The following FBLN2 variants were observed in gnomAD, a reference collection of about 807,000 sequenced individuals.
FBLN2 encodes the protein fibulin 2, also known as fibulin-2.
Under a neutral mutation model 123.7 loss-of-function variants are expected in FBLN2, and 81 were observed. The observed-to-expected ratio is 0.65, with a 90% CI of 0.55 to 0.79. FBLN2 has a LOEUF of 0.79. FBLN2 is among the 30% of genes least tolerant of loss of function. FBLN2 has a pLI of 0.00. For synonymous variants in FBLN2, 699 were observed against 701.4 expected (o/e 1.00, Z 0.05); for missense variants, 1,603 against 1,681.3 (o/e 0.95, Z 0.81).
intron 2 of FBLN2, among the ~76,000 whole-genome samples, chr3:13,586,033 T>G (rs1162129898): frequency 4.6e-5 from 7 of 152,178 alleles, no homozygotes. Flanking sequence ...GAGAAGGCAT[T>G]GCTATCATAG....
rs1451317634 is a variant in FBLN2 at position 13,638,212 on chromosome 3, G to A, written c.*293G>A. 4.9e-5 allele frequency: 30 copies of A among 606,270 alleles called. No homozygotes were observed. Among genetic ancestry groups the A allele is most frequent in the Middle Eastern group, 5.0e-4 (2 of 3,974 alleles). 37.6% of individuals were successfully genotyped at this position (606,270 alleles called of 1,614,324 possible). ...CTGAGGACCAGAGACACGCGACCAT[G>A]TTGGGGCTCTTGGACTCCTCTGGAT... is the stretch of plus-strand genomic sequence containing the variant. On this transcript the variant is annotated 3_prime_UTR_variant, in exon 18 of 18. Transcript: ENST00000404922.
chr3:13,592,031 T>TA (rs1704693426), intron 2 of FBLN2, among the ~76,000 whole-genome samples: 1 of 150,534 alleles, frequency 6.6e-6, no homozygotes, highest in African/African-American at 2.4e-5. Flanking sequence ...TTTTTTTTTT[T>TA]TTTTTTATTT....
At position 13,614,100 on chromosome 3, in the gene FBLN2, T is replaced by C. The variant is rs1273623443; in HGVS notation, c.1665T>C (p.Gly555=). ...CNHVMLSCCE[G]EEPLIVPEVR... ...ATGTCATGCTCTCCTGCTGTGAGGG[T>C]GAAGAGCCTCTCATAGTACCTGAGG... The change falls in exon 5 of 18, where the codon GGT becomes GGC. Residue 555 remains glycine (G), a synonymous_variant. Transcript: ENST00000404922. 1 of 1,613,594 alleles carries C rather than the reference T, an allele frequency of 6.2e-7. No individual in the cohort carries two copies. Among genetic ancestry groups the C allele is most frequent in the South Asian group, 1.1e-5 (1 of 91,066 alleles).
intron 5 of FBLN2, among the ~76,000 whole-genome samples, chr3:13,617,488 G>T (rs570432499): frequency 6.8e-5 from 9 of 131,710 alleles, no homozygotes; most frequent in Non-Finnish European, 1.1e-4. Flanking sequence ...TCATTCATCC[G>T]TCTACCCATG....
intron 2 of FBLN2, among the ~76,000 whole-genome samples, chr3:13,598,802 G>A (rs1013301889): frequency 6.6e-6 from 1 of 152,162 alleles, no homozygotes; most frequent in Non-Finnish European, 1.5e-5. Context: ...CCTGCCACCC[G>A]ACAGGGACAT....
At chr3:13,634,864 A>G (rs191276277) in intron 16 of FBLN2, among the ~76,000 whole-genome samples, 106 of 152,310 alleles carry the variant, frequency 7.0e-4, no homozygotes, top group African/African-American at 2.5e-3. Context: ...GGACACCTGC[A>G]CCTGCCCCGT....
At position 13,562,513 on chromosome 3, in the gene FBLN2, C is replaced by T. The variant is rs55866657; in HGVS notation, c.-41-7802C>T. ...CTGGGATTATAGGTATATGCCACCA[C>T]ACCTGGCAAATTTTTGTATTTTTAA... is the stretch of plus-strand genomic sequence containing the variant. On this transcript the variant is annotated intron_variant, in intron 1 of 17. Transcript: ENST00000404922. Among the ~76,000 whole-genome samples the T allele has an allele frequency of 1.4e-3, 207 of 152,248 alleles. 1 individual carries two copies. The highest frequency in any genetic ancestry group is 4.7e-3 in the African/African-American group (195 of 41,530).
At chr3:13,567,318 T>G (rs916612986) in intron 1 of FBLN2, among the ~76,000 whole-genome samples, 14 of 152,202 alleles carry the variant, frequency 9.2e-5, no homozygotes, top group Non-Finnish European at 1.9e-4. Flanking sequence ...GTGATGCACC[T>G]GAAGGCAGGA....
chr3:13,568,741 A>C (rs767271776), intron 1 of FBLN2: 194 of 979,660 alleles, frequency 2.0e-4, no homozygotes, highest in Non-Finnish European at 2.2e-4. Flanking sequence ...CGTCTCCTTG[A>C]TTCCCTTCAT....
rs951192925 is a variant in FBLN2 at position 13,571,788 on chromosome 3, C to T, written c.1306+127C>T. The T allele has an allele frequency of 1.0e-4, 110 of 1,088,212 alleles. No individual in the cohort carries two copies. The East Asian group carries it at 2.8e-3, about 28-fold the overall frequency. 67.4% of individuals were successfully genotyped at this position (1,088,212 alleles called of 1,614,324 possible). A position where few individuals can be genotyped will look rare whatever the true frequency, so the allele number is the denominator to read the frequency against. ...ACTGTGGGGCCAGGCCTAGGGTGGC[C>T]ACCCCAGGCCCTTGGTTTGGGCAGG... is the stretch of plus-strand genomic sequence containing the variant. On this transcript the variant is annotated intron_variant, in intron 2 of 17. Transcript: ENST00000404922.
intron 2 of FBLN2, among the ~76,000 whole-genome samples, chr3:13,604,563 T>C (rs548116539): frequency 4.8e-4 from 73 of 152,376 alleles, no homozygotes; most frequent in African/African-American, 1.7e-3. Flanking sequence ...GTATTATTTC[T>C]GAGCCGGCCT....
intron 16 of FBLN2, among the ~76,000 whole-genome samples, chr3:13,632,693 TTGTG>T (rs1366883766): frequency 6.6e-6 from 1 of 152,040 alleles, no homozygotes; most frequent in Non-Finnish European, 1.5e-5. Context: ...AAGGAGTCCT[TTGTG>T]TGGGTGGATG....
intron 2 of FBLN2, among the ~76,000 whole-genome samples, chr3:13,581,666 G>T (rs1704336662): frequency 6.6e-6 from 1 of 152,166 alleles, no homozygotes; most frequent in South Asian, 2.1e-4. Flanking sequence ...GCCATGGTGG[G>T]GATTAAGGAG....
intron 1 of FBLN2, among the ~76,000 whole-genome samples, chr3:13,561,639 C>T (rs1225787282): frequency 6.6e-6 from 1 of 152,178 alleles, no homozygotes; most frequent in African/African-American, 2.4e-5. Context: ...CCTCCTAGGC[C>T]TCCTCGTCTG....
chr3:13,606,016 C>G (rs565402082), intron 2 of FBLN2, among the ~76,000 whole-genome samples: 2 of 152,120 alleles, frequency 1.3e-5, no homozygotes, highest in Non-Finnish European at 2.9e-5. Context: ...TCCAACCCCC[C>G]TCCCCATCCC....
At position 13,636,811 on chromosome 3, in the gene FBLN2, G is replaced by A. The variant is rs140562038; in HGVS notation, c.3338+243G>A. Among the ~76,000 whole-genome samples the A allele has an allele frequency of 5.8e-4, 89 of 152,308 alleles. 2 individuals carry two copies. In the East Asian group the frequency reaches 0.017, roughly 29 times the overall value. On this transcript the variant is annotated intron_variant, in intron 17 of 17. Coordinates refer to ENST00000404922, the MANE Select transcript of FBLN2 (RefSeq NM_001004019.2). ...AGCCCTCTTCCTCATACACACACAT[G>A]GTAGTTACTGCTGTGTGACCAGTTA...
chr3:13,600,060 A>C (rs1704978323), intron 2 of FBLN2, among the ~76,000 whole-genome samples: 1 of 148,526 alleles, frequency 6.7e-6, no homozygotes, highest in Non-Finnish European at 1.5e-5. Context: ...AGAGAGAGAG[A>C]GCGATAGAGA....
intron 2 of FBLN2, among the ~76,000 whole-genome samples, chr3:13,582,455 C>T (rs563999334): frequency 3.6e-4 from 55 of 152,274 alleles, no homozygotes; most frequent in Middle Eastern, 3.4e-3. Context: ...CTGCAGCATC[C>T]GGGGCTTTGA....
At chr3:13,574,296 C>T (rs1168493686) in intron 2 of FBLN2, among the ~76,000 whole-genome samples, 1 of 152,226 alleles carries the variant, frequency 6.6e-6, no homozygotes, top group African/African-American at 2.4e-5. Context: ...GCTGAGAGGC[C>T]TTCTGCAGGT....
Sources: allele counts gnomAD v4.1 joint callset (sites outside exome capture counted in the v4.1 genomes callset), GRCh38; gene constraint gnomAD v4.1.1; transcripts MANE v1.5; gene names NCBI Gene and HGNC (gene_info 2026-07-23, HGNC 2026-07-21).